Variants in SUMF1 observed in about 807,000 individuals in gnomAD.
SUMF1 encodes formylglycine-generating enzyme.
A neutral mutation model predicts 47.6 loss-of-function variants in SUMF1; 48 were observed. The observed-to-expected ratio is 1.01, with a 90% CI of 0.80 to 1.28. SUMF1 has a LOEUF of 1.28. Ranked by LOEUF, SUMF1 falls within the 50% of genes most tolerant of loss-of-function variation. SUMF1 has a pLI of 0.00. For missense variants in SUMF1, 571 were observed against 485.4 expected, an observed-to-expected ratio of 1.18 and a Z score of -1.66; for synonymous variants, 230 against 192.1, an observed-to-expected ratio of 1.20 and a Z score of -1.63.
intron 8 of SUMF1, among the ~76,000 whole-genome samples, chr3:4,218,469 G>C (rs933762728): frequency 7.0e-6 from 1 of 143,608 alleles, no homozygotes; most frequent in Non-Finnish European, 1.6e-5. Context: ...GTGTGGACAA[G>C]CAGTATAAGG....
chr3:4,283,505 C>G (rs1415559365), intron 8 of SUMF1, among the ~76,000 whole-genome samples: 4 of 152,054 alleles, frequency 2.6e-5, no homozygotes, highest in African/African-American at 9.7e-5. Context: ...TGTTAAAATT[C>G]AAATAAGAGC....
chr3:4,307,795 T>C (rs910559956), intron 8 of SUMF1, among the ~76,000 whole-genome samples: 3 of 152,146 alleles, frequency 2.0e-5, no homozygotes, highest in African/African-American at 7.2e-5. Context: ...CCAACCCTTT[T>C]GGAGGCCAAG....
intron 8 of SUMF1, among the ~76,000 whole-genome samples, chr3:4,076,453 A>G (rs1206803409): frequency 1.3e-5 from 2 of 152,182 alleles, no homozygotes; most frequent in African/African-American, 2.4e-5. Context: ...TCATGAATAC[A>G]ATACCAAAAG....
intron 8 of SUMF1, among the ~76,000 whole-genome samples, chr3:4,087,169 G>A (rs879584597): frequency 2.6e-5 from 4 of 152,158 alleles, no homozygotes; most frequent in Non-Finnish European, 5.9e-5. Context: ...GAAAGCCAAC[G>A]TGGGGTAGTG....
chr3:4,095,473 C>T (rs1692881087), intron 8 of SUMF1, among the ~76,000 whole-genome samples: 1 of 152,060 alleles, frequency 6.6e-6, no homozygotes, highest in Non-Finnish European at 1.5e-5. Context: ...ATCCACACCA[C>T]ACAAGATTTA....
At chr3:4,102,157 G>T (rs368901268) in intron 8 of SUMF1, among the ~76,000 whole-genome samples, 4 of 152,050 alleles carry the variant, frequency 2.6e-5, no homozygotes, top group African/African-American at 9.7e-5. Flanking sequence ...ATTTTGGTGG[G>T]GATACAGCCA....
intron 8 of SUMF1, among the ~76,000 whole-genome samples, chr3:4,222,993 G>A (rs114671789): frequency 0.03 from 4,633 of 152,186 alleles, 98 homozygotes; most frequent in African/African-American, 0.046. Context: ...CATAGGATGA[G>A]GGTGTGACAG....
chr3:4,457,557 G>T (rs771788530), intron 1 of SUMF1, among the ~76,000 whole-genome samples: 1 of 151,956 alleles, frequency 6.6e-6, no homozygotes, highest in Non-Finnish European at 1.5e-5. Flanking sequence ...AAAACCAATG[G>T]AACAGGATAG....
intron 8 of SUMF1, among the ~76,000 whole-genome samples, chr3:4,342,956 C>T (rs1699301369): frequency 6.6e-6 from 1 of 152,100 alleles, no homozygotes; most frequent in Admixed American, 6.5e-5. Context: ...ACTAAAGCTC[C>T]CAAGGGATAA....
At chr3:4,102,723 A>G (rs1693063983) in intron 8 of SUMF1, among the ~76,000 whole-genome samples, 2 of 152,048 alleles carry the variant, frequency 1.3e-5, no homozygotes, top group South Asian at 4.2e-4. Context: ...TAAGCTCTAC[A>G]AGGGCAGAGT....
intron 8 of SUMF1, among the ~76,000 whole-genome samples, chr3:4,162,526 C>G (rs185525376): frequency 6.6e-6 from 1 of 152,274 alleles, no homozygotes; most frequent in East Asian, 1.9e-4. Context: ...TAGGGCCTGT[C>G]TATGCTTCCT....
intron 8 of SUMF1, among the ~76,000 whole-genome samples, chr3:4,211,050 G>A (rs1319847752): frequency 6.8e-6 from 1 of 146,592 alleles, no homozygotes; most frequent in Admixed American, 6.9e-5. Context: ...GCCTGCAGAT[G>A]GCCTGTTGCA....
intron 8 of SUMF1, among the ~76,000 whole-genome samples, chr3:4,076,987 G>C (rs1251374824): frequency 2.6e-5 from 4 of 151,996 alleles, no homozygotes; most frequent in African/African-American, 7.3e-5. Flanking sequence ...CTGGGCAACA[G>C]AGCGAGACTC....
chr3:4,151,768 C>G (rs1694341821), intron 8 of SUMF1, among the ~76,000 whole-genome samples: 1 of 150,592 alleles, frequency 6.6e-6, no homozygotes. Flanking sequence ...TGTGTTGGGC[C>G]ACATTCAAAG....
At chr3:4,404,993 G>C (rs758259914) in intron 7 of SUMF1, among the ~76,000 whole-genome samples, 1 of 152,198 alleles carries the variant, frequency 6.6e-6, no homozygotes, top group Non-Finnish European at 1.5e-5. Flanking sequence ...GAAAATGGCA[G>C]TCTCATCGCC....
chr3:4,227,270 T>G (rs1190438527), intron 8 of SUMF1, among the ~76,000 whole-genome samples: 1 of 152,164 alleles, frequency 6.6e-6, no homozygotes, highest in East Asian at 1.9e-4. Flanking sequence ...TCCTACTATG[T>G]GCCTGCAACA....
intron 3 of SUMF1, among the ~76,000 whole-genome samples, chr3:4,440,195 A>G (rs1320177793): frequency 2.0e-5 from 3 of 148,568 alleles, no homozygotes; most frequent in Non-Finnish European, 3.0e-5. Flanking sequence ...AGCTGAGATC[A>G]TCACACCACT....
At chr3:4,303,422 AAGG>A (rs1698030851) in intron 8 of SUMF1, 1 of 1,555,286 alleles carries the variant, frequency 6.4e-7, no homozygotes, top group Non-Finnish European at 8.7e-7. Context: ...GGCGGAGTTT[AAGG>A]AGAAGCCTGA....
chr3:4,207,485 ATTTCTAGTTTG>A (rs1695678645), intron 8 of SUMF1, among the ~76,000 whole-genome samples: 1 of 152,076 alleles, frequency 6.6e-6, no homozygotes, highest in South Asian at 2.1e-4. Flanking sequence ...AGAAATGTTT[ATTTCTAGTTTG>A]TTGAAAATTT....
Sources: allele counts gnomAD v4.1 joint callset (sites outside exome capture counted in the v4.1 genomes callset), GRCh38; gene constraint gnomAD v4.1.1; transcripts MANE v1.5; gene names NCBI Gene and HGNC (gene_info 2026-07-23, HGNC 2026-07-21).